The following CENPW variants were observed in gnomAD, a reference collection of about 807,000 sequenced individuals.
CENPW encodes centromere protein W, also known as cancer-up-regulated gene 2 protein.
In CENPW, 3 loss-of-function variants were observed where a neutral mutation model predicts 11.1. That is an observed-to-expected ratio of 0.27 (90% CI 0.12 to 0.70). The LOEUF (loss-of-function observed/expected upper bound fraction) is 0.70, where lower values mean the gene tolerates loss of function less well. CENPW is among the 30% of genes least tolerant of loss of function. The probability of loss-of-function intolerance (pLI) is 0.77; values close to 1 mark genes in which losing one functional copy is unlikely to be tolerated. For missense variants in CENPW, 100 were observed against 105.6 expected, an observed-to-expected ratio of 0.95 and a Z score of 0.23; for synonymous variants, 38 against 42.0, an observed-to-expected ratio of 0.91 and a Z score of 0.37.
chr6:126,419,445 T>C, the CENPW span, among the ~76,000 whole-genome samples: 7 of 152,132 alleles, frequency 4.6e-5, no homozygotes, highest in Non-Finnish European at 7.4e-5. Context: ...TCTAAGAATA[T>C]AAACAGTGAG....
chr6:126,386,085 G>C, the CENPW span, among the ~76,000 whole-genome samples: 2 of 152,042 alleles, frequency 1.3e-5, no homozygotes, highest in African/African-American at 4.8e-5. Flanking sequence ...CCTTCGGAGT[G>C]AGTTTCAAGA....
At chr6:126,441,577 C>CA in the CENPW span, among the ~76,000 whole-genome samples, 1 of 151,320 alleles carries the variant, frequency 6.6e-6, no homozygotes, top group African/African-American at 2.4e-5. Context: ...ACACTGTGCC[C>CA]AAGTTTAGCC....
the CENPW span, among the ~76,000 whole-genome samples, chr6:126,405,097 AATGTCCTGT>A: frequency 2.0e-5 from 3 of 152,144 alleles, no homozygotes; most frequent in South Asian, 6.2e-4. Context: ...ATATAAGACC[AATGTCCTGT>A]TTTCGTCAGG....
the CENPW span, among the ~76,000 whole-genome samples, chr6:126,433,135 T>C: frequency 1.3e-5 from 2 of 152,354 alleles, no homozygotes; most frequent in African/African-American, 4.8e-5. Context: ...AATTTGTATT[T>C]TTAAAGATTA....
At chr6:126,359,652 G>C in the CENPW span, among the ~76,000 whole-genome samples, 594 of 151,788 alleles carry the variant, frequency 3.9e-3, 7 homozygotes, top group African/African-American at 0.014. Flanking sequence ...TTGTTGAATT[G>C]TTCTGTTTAT....
At chr6:126,449,124 C>G in the CENPW span, among the ~76,000 whole-genome samples, 1 of 151,010 alleles carries the variant, frequency 6.6e-6, no homozygotes, top group Non-Finnish European at 1.5e-5. Flanking sequence ...TCTTTGATCT[C>G]TTTTAAAGAT....
At chr6:126,403,494 C>T in the CENPW span, among the ~76,000 whole-genome samples, 2 of 152,090 alleles carry the variant, frequency 1.3e-5, no homozygotes, top group Admixed American at 1.3e-4. Context: ...AAAGCAGCCA[C>T]AACATTCTCT....
the CENPW span, among the ~76,000 whole-genome samples, chr6:126,445,678 A>G: frequency 6.6e-6 from 1 of 151,220 alleles, no homozygotes; most frequent in African/African-American, 2.4e-5. Context: ...ATACACAGAA[A>G]TTTACAATAT....
chr6:126,404,495 A>G, the CENPW span, among the ~76,000 whole-genome samples: 1 of 152,076 alleles, frequency 6.6e-6, no homozygotes, highest in Non-Finnish European at 1.5e-5. Context: ...TCTCTTCAAC[A>G]TACTGATTTT....
the CENPW span, among the ~76,000 whole-genome samples, chr6:126,460,252 G>C: frequency 7.3e-5 from 11 of 151,508 alleles, no homozygotes; most frequent in Non-Finnish European, 1.5e-4. Flanking sequence ...AATTACATTT[G>C]GGACCCTTAA....
At chr6:126,411,631 G>T in the CENPW span, among the ~76,000 whole-genome samples, 23 of 152,206 alleles carry the variant, frequency 1.5e-4, 1 homozygote, top group East Asian at 1.9e-3. Context: ...CAGGCCCGTT[G>T]ACCAGGTTGT....
the CENPW span, among the ~76,000 whole-genome samples, chr6:126,415,143 G>A: frequency 6.6e-6 from 1 of 151,982 alleles, no homozygotes; most frequent in Non-Finnish European, 1.5e-5. Context: ...GTTAATTTTT[G>A]TGTAACTCAA....
the CENPW span, among the ~76,000 whole-genome samples, chr6:126,388,390 C>T: frequency 6.6e-6 from 1 of 151,978 alleles, no homozygotes; most frequent in Admixed American, 6.6e-5. Flanking sequence ...GAGTCCCTCA[C>T]AGCTGGATCT....
Position 126,340,277 on chromosome 6 carries a change from G to A in CENPW, c.4G>A (p.Ala2Thr). The A allele has an allele frequency of 1.2e-6, 2 of 1,613,468 alleles. No individual in the cohort carries two copies. ...CAGCTGGTACTTGACAGAGAGGATG[G>A]CGCTGTCGACCATAGTCTCCCAGAG... MALSTIVSQRKQ... is the reference protein window; with the variant it reads MTLSTIVSQRKQ... The change falls in exon 1 of 3, where the codon GCG becomes ACG. Residue 2 changes from alanine (A) to threonine (T), a missense_variant. Ala to Thr is a moderately conservative substitution (Grantham distance 58). Transcript: ENST00000368328.
chr6:126,394,842 G>GT, the CENPW span, among the ~76,000 whole-genome samples: 124 of 145,274 alleles, frequency 8.5e-4, no homozygotes, highest in East Asian at 3.0e-3. Flanking sequence ...TATACTAAAA[G>GT]TTTTTTTTTT....
chr6:126,405,010 G>A, the CENPW span, among the ~76,000 whole-genome samples: 1 of 151,902 alleles, frequency 6.6e-6, no homozygotes, highest in African/African-American at 2.4e-5. Context: ...TTAGTTTGAT[G>A]TAGTCTCATT....
chr6:126,464,431 G>A, the CENPW span, among the ~76,000 whole-genome samples: 1 of 152,066 alleles, frequency 6.6e-6, no homozygotes, highest in Non-Finnish European at 1.5e-5. Context: ...ATTAACATTT[G>A]AGTCAGTGCA....
chr6:126,431,450 A>C, the CENPW span, among the ~76,000 whole-genome samples: 1 of 152,204 alleles, frequency 6.6e-6, no homozygotes, highest in Non-Finnish European at 1.5e-5. Flanking sequence ...CCAAACATAC[A>C]CTGAACCTTA....
the CENPW span, among the ~76,000 whole-genome samples, chr6:126,359,476 TGTTA>T: frequency 6.6e-6 from 1 of 152,150 alleles, no homozygotes; most frequent in Non-Finnish European, 1.5e-5. Context: ...AAAATTTCTT[TGTTA>T]GTTTTCTGCT....
Sources: allele counts gnomAD v4.1 joint callset (sites outside exome capture counted in the v4.1 genomes callset), GRCh38; gene constraint gnomAD v4.1.1; transcripts MANE v1.5; gene names NCBI Gene and HGNC (gene_info 2026-07-23, HGNC 2026-07-21).